RASGRF2: variants seen among roughly 807,000 people sequenced by gnomAD.
The protein encoded by RASGRF2 is Ras protein specific guanine nucleotide releasing factor 2, also known as ras-specific guanine nucleotide-releasing factor 2.
RASGRF2 carries 76 observed loss-of-function variants against 151.0 expected under a neutral mutation model. The observed-to-expected ratio is 0.50, with a 90% CI of 0.42 to 0.61. The LOEUF (loss-of-function observed/expected upper bound fraction) is 0.61. Ranked by LOEUF, RASGRF2 falls within the 20% of genes least tolerant of loss-of-function variation. The pLI, the probability that RASGRF2 is intolerant of heterozygous loss-of-function variation, is 0.00. For missense variants in RASGRF2, 1,148 were observed against 1,564.6 expected, an observed-to-expected ratio of 0.73 and a Z score of 4.49; for synonymous variants, 504 against 566.5, an observed-to-expected ratio of 0.89 and a Z score of 1.57.
chr5:81,129,750 A>G lies in RASGRF2; in HGVS notation c.2686+2587A>G, dbSNP rs114694334. Among the ~76,000 whole-genome samples, 884 of 152,214 alleles carry G rather than the reference A, an allele frequency of 5.8e-3. 12 individuals are homozygous for G. The highest frequency in any genetic ancestry group is 0.02 in the African/African-American group (834 of 41,514). On this transcript the variant is annotated intron_variant, in intron 17 of 26. Transcript: ENST00000265080. ...TTCAGCAGAGTTATTGTCGATTGTG[A>G]TTTGCTAAGACCTTCTCCTGTCTTC...
At chr5:81,095,705 A>G (rs1752528774) in intron 12 of RASGRF2, among the ~76,000 whole-genome samples, 1 of 152,176 alleles carries the variant, frequency 6.6e-6, no homozygotes, top group East Asian at 1.9e-4. Context: ...GTTAACTCAA[A>G]GAAACTGGGG....
chr5:80,964,738 T>C (rs1747670707), intron 1 of RASGRF2, among the ~76,000 whole-genome samples: 1 of 152,186 alleles, frequency 6.6e-6, no homozygotes, highest in African/African-American at 2.4e-5. Flanking sequence ...AGAAATACGA[T>C]TGCAGACCAT....
chr5:80,977,205 A>G (rs1748148037), intron 1 of RASGRF2, among the ~76,000 whole-genome samples: 3 of 152,144 alleles, frequency 2.0e-5, no homozygotes. Flanking sequence ...CCTTTGTTAT[A>G]GCACGGAAGG....
chr5:81,092,658 G>T (rs952473021), intron 9 of RASGRF2, 143 bp from the exon 10 acceptor site: 11 of 746,868 alleles, frequency 1.5e-5, no homozygotes, highest in Non-Finnish European at 1.8e-5. Context: ...CAGACTGGAA[G>T]AGAGTTACTT....
chr5:81,106,329 A>T (rs1007044431), intron 12 of RASGRF2, among the ~76,000 whole-genome samples: 1 of 152,172 alleles, frequency 6.6e-6, no homozygotes, highest in African/African-American at 2.4e-5. Flanking sequence ...GGGAGGTATG[A>T]ATCATTTCAT....
At chr5:81,090,047 C>T (rs1022099804) in intron 9 of RASGRF2, among the ~76,000 whole-genome samples, 6 of 152,144 alleles carry the variant, frequency 3.9e-5, no homozygotes, top group Middle Eastern at 3.2e-3. Context: ...ATATAGGTGA[C>T]TGAATACAGG....
At chr5:81,116,916 A>G (rs1207897357) in intron 15 of RASGRF2, among the ~76,000 whole-genome samples, 2 of 152,238 alleles carry the variant, frequency 1.3e-5, no homozygotes, top group Admixed American at 6.5e-5. Context: ...TGCAGATACT[A>G]CATTTTCTTT....
chr5:81,025,431 C>T (rs574375359), intron 1 of RASGRF2, among the ~76,000 whole-genome samples: 1 of 152,190 alleles, frequency 6.6e-6, no homozygotes. Context: ...CACCCTTCCC[C>T]CTTCCCCAGG....
intron 1 of RASGRF2, among the ~76,000 whole-genome samples, chr5:81,022,012 A>T (rs1266272137): frequency 6.6e-6 from 1 of 152,192 alleles, no homozygotes; most frequent in East Asian, 1.9e-4. Context: ...CAGCCATTCC[A>T]CTGGAATTCA....
intron 1 of RASGRF2, among the ~76,000 whole-genome samples, chr5:81,034,814 G>GGT (rs1750419593): frequency 7.9e-6 from 1 of 126,186 alleles, no homozygotes; most frequent in Non-Finnish European, 1.7e-5. Context: ...TGGGAGGGGG[G>GGT]TAGGGATAGC....
chr5:81,008,734 G>C (rs1366926712), intron 1 of RASGRF2, among the ~76,000 whole-genome samples: 2 of 152,054 alleles, frequency 1.3e-5, no homozygotes, highest in Non-Finnish European at 2.9e-5. Flanking sequence ...CTGTCTCTTA[G>C]GCTGCTGATT....
At chr5:81,133,393 A>G (rs1753673736) in intron 17 of RASGRF2, among the ~76,000 whole-genome samples, 1 of 152,238 alleles carries the variant, frequency 6.6e-6, no homozygotes, top group South Asian at 2.1e-4. Context: ...ACCTGCTCAA[A>G]TTGAAGAGCT....
intron 17 of RASGRF2, among the ~76,000 whole-genome samples, chr5:81,167,806 A>G (rs1391023821): frequency 1.3e-5 from 2 of 152,200 alleles, no homozygotes; most frequent in Non-Finnish European, 2.9e-5. Context: ...TGACGGGGTC[A>G]GGCCGACTCG....
intron 1 of RASGRF2, among the ~76,000 whole-genome samples, chr5:80,964,927 A>G (rs535172213): frequency 3.3e-5 from 5 of 152,240 alleles, no homozygotes; most frequent in South Asian, 2.1e-4. Flanking sequence ...GCCTACTAGC[A>G]GGAGAAGACA....
At chr5:81,025,581 A>G (rs917096175) in intron 1 of RASGRF2, among the ~76,000 whole-genome samples, 1 of 152,144 alleles carries the variant, frequency 6.6e-6, no homozygotes, top group African/African-American at 2.4e-5. Flanking sequence ...AGTCAAAACC[A>G]TTTTTAGCCA....
At chr5:80,961,264 C>A (rs1747545964) in intron 1 of RASGRF2, among the ~76,000 whole-genome samples, 1 of 152,228 alleles carries the variant, frequency 6.6e-6, no homozygotes, top group Non-Finnish European at 1.5e-5. Context: ...AGTGGCCCGA[C>A]TTGCTTTCAT....
chr5:81,013,669 G>A (rs2112320587), intron 1 of RASGRF2, among the ~76,000 whole-genome samples: 1 of 151,722 alleles, frequency 6.6e-6, no homozygotes, highest in Non-Finnish European at 1.5e-5. Flanking sequence ...CTAAATATAT[G>A]TATGTTGTAT....
At chr5:81,211,230 T>C (rs572116192) in intron 22 of RASGRF2, among the ~76,000 whole-genome samples, 66 of 151,878 alleles carry the variant, frequency 4.3e-4, no homozygotes, top group African/African-American at 1.5e-3. Flanking sequence ...CCATGCTGCC[T>C]GTGTATTCCC....
intron 1 of RASGRF2, among the ~76,000 whole-genome samples, chr5:80,975,030 A>G (rs1748068643): frequency 6.6e-6 from 1 of 151,976 alleles, no homozygotes; most frequent in East Asian, 1.9e-4. Flanking sequence ...GCCTTCCCAG[A>G]GTCTTCTCTG....
Sources: gnomAD v4.1 joint callset for allele counts (sites outside exome capture counted in the v4.1 genomes callset) on GRCh38, gnomAD v4.1.1 for gene constraint, MANE v1.5 for transcripts, NCBI Gene and HGNC (gene_info 2026-07-23, HGNC 2026-07-21) for gene names.